The following SPOCK3 variants were observed in gnomAD, a reference collection of about 807,000 sequenced individuals.
The protein encoded by SPOCK3 is SPARC (osteonectin), cwcv and kazal like domains proteoglycan 3, also known as testican-3.
A neutral mutation model predicts 56.6 loss-of-function variants in SPOCK3; 30 were observed. The ratio of observed to expected loss-of-function variants is 0.53; its 90% CI spans 0.40 to 0.72. SPOCK3 has a LOEUF of 0.72. SPOCK3 is among the 30% of genes least tolerant of loss of function. SPOCK3 has a pLI of 0.00. For missense variants in SPOCK3, 527 were observed against 530.0 expected (o/e 0.99, Z 0.06); for synonymous variants, 196 against 183.3 (o/e 1.07, Z -0.56).
chr4:167,067,831 TTAC>T (rs1561182718), intron 2 of SPOCK3, among the ~76,000 whole-genome samples: 1 of 151,908 alleles, frequency 6.6e-6, no homozygotes, highest in Non-Finnish European at 1.5e-5. Flanking sequence ...TAGTACTGTC[TTAC>T]TTTTTTCTTT....
intron 2 of SPOCK3, among the ~76,000 whole-genome samples, chr4:167,087,182 C>T (rs1339199062): frequency 2.0e-5 from 3 of 152,076 alleles, no homozygotes; most frequent in Admixed American, 6.6e-5. Flanking sequence ...ATAATCATAA[C>T]TCTATGAGGT....
chr4:166,737,408 C>A, intron 10 of SPOCK3, 59 bp downstream of exon 10: 1 of 1,531,930 alleles, frequency 6.5e-7, no homozygotes, highest in Non-Finnish European at 8.9e-7. Flanking sequence ...ATGAATGAGG[C>A]TCTAAAGCAC....
chr4:167,105,463 T>TAAAAAAAAAAAAAAAAAAAAAAAATAA (rs552028589), intron 2 of SPOCK3, among the ~76,000 whole-genome samples: 1 of 98,686 alleles, frequency 1.0e-5, no homozygotes, highest in African/African-American at 4.2e-5. Context: ...ACACAAAAAT[T>TAAAAAAAAAAAAAAAAAAAAAAAATAA]AAAAAAAAAA....
intron 3 of SPOCK3, among the ~76,000 whole-genome samples, chr4:167,035,680 C>T (rs1472619016): frequency 1.3e-5 from 2 of 152,150 alleles, no homozygotes; most frequent in Non-Finnish European, 2.9e-5. Context: ...TTTTTCCCTA[C>T]CCGAATCCTG....
chr4:167,077,723 G>GT, intron 2 of SPOCK3, among the ~76,000 whole-genome samples: 1 of 151,914 alleles, frequency 6.6e-6, no homozygotes, highest in African/African-American at 2.4e-5. Flanking sequence ...AGTTATGTAA[G>GT]TTTTGAATAT....
chr4:166,778,566 A>G (rs1739824935), intron 7 of SPOCK3, among the ~76,000 whole-genome samples: 1 of 152,176 alleles, frequency 6.6e-6, no homozygotes, highest in African/African-American at 2.4e-5. Context: ...ACAGGATTCA[A>G]TACACACTAC....
chr4:167,125,885 T>C (rs538193406), intron 2 of SPOCK3, among the ~76,000 whole-genome samples: 7 of 152,200 alleles, frequency 4.6e-5, no homozygotes, highest in Admixed American at 4.6e-4. Context: ...TCTAAGATGA[T>C]CCCACAATTA....
chr4:167,185,564 T>C (rs1731874249), intron 2 of SPOCK3, among the ~76,000 whole-genome samples: 1 of 152,150 alleles, frequency 6.6e-6, no homozygotes, highest in Non-Finnish European at 1.5e-5. Flanking sequence ...AAGTCAAGTT[T>C]CCCTGTATAA....
In SPOCK3 at chr4:167,189,733, C is replaced by A. The variant is rs896182216; in HGVS notation, c.189+44252G>T. On this transcript the variant is annotated intron_variant, in intron 2 of 10. Coordinates refer to ENST00000357545, the MANE Select transcript of SPOCK3 (RefSeq NM_001040159.2). ...CACACTGTACATTAAATCCCCAGAA[C>A]TTTTTCATCTCATAATTGAAAGTTT... Among the ~76,000 whole-genome samples, 13 of 145,492 alleles carry A rather than the reference C, an allele frequency of 8.9e-5. 2 individuals are homozygous for A. The highest frequency in any genetic ancestry group is 3.2e-4 in the African/African-American group (12 of 38,076).
chr4:167,204,953 G>T (rs900872313), intron 2 of SPOCK3, among the ~76,000 whole-genome samples: 2 of 147,814 alleles, frequency 1.4e-5, no homozygotes, highest in Admixed American at 1.4e-4. Context: ...AGCCTCCTAG[G>T]TAGCTATGTC....
At position 166,900,380 on chromosome 4, in the gene SPOCK3, T is replaced by C. The variant is rs531838828; in HGVS notation, c.475-11136A>G. 9.2e-5 allele frequency among the ~76,000 whole-genome samples: 14 copies of C among 152,310 alleles called. No homozygotes were observed. The East Asian group carries it at 2.7e-3, about 29-fold the overall frequency. ...TAAAAAATAAACTCAAAAAGATTTA[T>C]GTCTCTGCCTCCCTCACCTCCACAT... is the stretch of plus-strand genomic sequence containing the variant. On this transcript the variant is annotated intron_variant, in intron 5 of 10. Coordinates refer to ENST00000357545, the MANE Select transcript of SPOCK3 (RefSeq NM_001040159.2).
At chr4:166,929,382 T>C (rs1200396918) in intron 4 of SPOCK3, among the ~76,000 whole-genome samples, 1 of 152,150 alleles carries the variant, frequency 6.6e-6, no homozygotes, top group Non-Finnish European at 1.5e-5. Context: ...CTTCAGAAAC[T>C]GAATGTTTTG....
chr4:166,933,064 A>G (rs1739973679), intron 4 of SPOCK3, among the ~76,000 whole-genome samples: 1 of 152,184 alleles, frequency 6.6e-6, no homozygotes, highest in Non-Finnish European at 1.5e-5. Flanking sequence ...TTTTAATGTG[A>G]TTGCCAAATT....
chr4:167,167,672 A>T (rs1375910685), intron 2 of SPOCK3, among the ~76,000 whole-genome samples: 3 of 152,178 alleles, frequency 2.0e-5, no homozygotes, highest in South Asian at 4.1e-4. Flanking sequence ...AATTGAGTCA[A>T]ATGTAGACAG....
intron 2 of SPOCK3, among the ~76,000 whole-genome samples, chr4:167,159,562 C>G (rs1765102646): frequency 6.6e-6 from 1 of 152,060 alleles, no homozygotes. Flanking sequence ...CATCCTGATA[C>G]CAAAGCCGGG....
intron 3 of SPOCK3, among the ~76,000 whole-genome samples, chr4:167,056,392 A>G (rs1035371080): frequency 2.0e-5 from 3 of 152,188 alleles, no homozygotes; most frequent in African/African-American, 4.8e-5. Flanking sequence ...TTCTCCTCCA[A>G]AGGAACGCAG....
chr4:167,002,720 G>T (rs1377120409), intron 3 of SPOCK3, among the ~76,000 whole-genome samples: 1 of 152,076 alleles, frequency 6.6e-6, no homozygotes, highest in East Asian at 1.9e-4. Flanking sequence ...AAAAAAAGCT[G>T]TCTTCGAAAT....
intron 5 of SPOCK3, among the ~76,000 whole-genome samples, chr4:166,904,162 A>T (rs1736362597): frequency 6.6e-6 from 1 of 151,866 alleles, no homozygotes; most frequent in South Asian, 2.1e-4. Flanking sequence ...GCTCCTTACT[A>T]GTTCTATCCC....
chr4:166,842,002 G>T (rs1394699864), intron 6 of SPOCK3, among the ~76,000 whole-genome samples: 1 of 152,198 alleles, frequency 6.6e-6, no homozygotes, highest in Non-Finnish European at 1.5e-5. Context: ...GCTGGCTTCA[G>T]GAGTGAAGCT....
Sources: gnomAD v4.1 joint callset for allele counts (sites outside exome capture counted in the v4.1 genomes callset) on GRCh38, gnomAD v4.1.1 for gene constraint, MANE v1.5 for transcripts, NCBI Gene and HGNC (gene_info 2026-07-23, HGNC 2026-07-21) for gene names.